LRP1B: variants seen among roughly 807,000 people sequenced by gnomAD.
LRP1B encodes the protein low-density lipoprotein receptor-related protein 1B.
LRP1B carries 217 observed loss-of-function variants against 556.6 expected under a neutral mutation model. The ratio of observed to expected loss-of-function variants is 0.39; its 90% confidence interval spans 0.35 to 0.44. The LOEUF (loss-of-function observed/expected upper bound fraction) is 0.44, where lower values mean the gene tolerates loss of function less well. LRP1B is among the 20% of genes least tolerant of loss of function. The pLI is 1.00. For synonymous variants in LRP1B, 2,047 were observed against 1,865.8 expected, an observed-to-expected ratio of 1.10 and a Z score of -2.50; for missense variants, 5,053 against 5,620.8, an observed-to-expected ratio of 0.90 and a Z score of 3.23.
intron 6 of LRP1B, among the ~76,000 whole-genome samples, chr2:141,220,510 G>A (rs1329300064): frequency 6.6e-6 from 1 of 151,644 alleles, no homozygotes; most frequent in Admixed American, 6.6e-5. Context: ...CGACATCCAG[G>A]AGAACTTCCC....
chr2:140,722,540 G>A (rs1374220996), intron 35 of LRP1B, among the ~76,000 whole-genome samples: 1 of 152,062 alleles, frequency 6.6e-6, no homozygotes, highest in Non-Finnish European at 1.5e-5. Flanking sequence ...AGTTGGACAG[G>A]CCAGAAATTC....
chr2:140,975,489 T>TGAGAGAGAAATAGGGAGTAACA (rs70991130), intron 18 of LRP1B, among the ~76,000 whole-genome samples: 1 of 151,650 alleles, frequency 6.6e-6, no homozygotes, highest in African/African-American at 2.4e-5. Context: ...TAAAGTTATA[T>TGAGAGAGAAATAGGGAGTAACA]AAGCAGGACA....
At chr2:141,018,485 C>T (rs1446172716) in intron 12 of LRP1B, among the ~76,000 whole-genome samples, 1 of 152,008 alleles carries the variant, frequency 6.6e-6, no homozygotes, top group Non-Finnish European at 1.5e-5. Context: ...AATCTGGATA[C>T]CTACAAACTT....
chr2:140,928,056 T>G (rs1026602011), intron 20 of LRP1B, among the ~76,000 whole-genome samples: 2 of 151,888 alleles, frequency 1.3e-5, no homozygotes, highest in African/African-American at 4.8e-5. Context: ...AGCAGGCATT[T>G]TTTAGGCACT....
chr2:141,013,476 G>A lies in LRP1B; in HGVS notation c.2380+80C>T, dbSNP rs901436461. ...TTTATCATAAAACTTTAGCAACACT[G>A]TCAAGATAAATCTTTTATAACTTCT... On this transcript the variant is annotated intron_variant, in intron 14 of 90. Coordinates refer to ENST00000389484, the MANE Select transcript of LRP1B (RefSeq NM_018557.3). The A allele has an allele frequency of 1.0e-5, 12 of 1,161,146 alleles. No homozygotes were observed. The Admixed American group carries it at 1.6e-4, about 16-fold the overall frequency. The allele number at this position is 1,161,146 out of a possible 1,614,324, so 71.9% of individuals were successfully genotyped here. A position where few individuals can be genotyped will look rare whatever the true frequency, so the allele number is the denominator to read the frequency against.
At chr2:141,300,431 C>A (rs1428818842) in intron 3 of LRP1B, among the ~76,000 whole-genome samples, 2 of 152,044 alleles carry the variant, frequency 1.3e-5, no homozygotes, top group African/African-American at 4.8e-5. Flanking sequence ...AAACAGTAGG[C>A]CTGGAAAGTT....
chr2:142,099,975 G>A (rs989958006), intron 1 of LRP1B, among the ~76,000 whole-genome samples: 2 of 151,906 alleles, frequency 1.3e-5, no homozygotes, highest in African/African-American at 4.8e-5. Context: ...AATTGTAATA[G>A]AGCCTGGTTC....
intron 2 of LRP1B, among the ~76,000 whole-genome samples, chr2:141,708,304 G>T (rs1004451046): frequency 6.6e-6 from 1 of 152,050 alleles, no homozygotes; most frequent in Non-Finnish European, 1.5e-5. Flanking sequence ...TCAAAGGGGT[G>T]ATAGAACAAC....
chr2:141,996,563 C>T (rs2105126622), intron 1 of LRP1B, among the ~76,000 whole-genome samples: 1 of 152,248 alleles, frequency 6.6e-6, no homozygotes, highest in Non-Finnish European at 1.5e-5. Flanking sequence ...TTACATTATT[C>T]CCATCTGCAC....
intron 7 of LRP1B, among the ~76,000 whole-genome samples, chr2:141,179,311 C>A (rs911643479): frequency 1.3e-5 from 2 of 151,856 alleles, no homozygotes; most frequent in Non-Finnish European, 2.9e-5. Flanking sequence ...GGAAAACTAG[C>A]TTGAAAACTT....
chr2:140,665,719 G>A lies in LRP1B; in HGVS notation c.6799+34531C>T, dbSNP rs575289058. Among the ~76,000 whole-genome samples the A allele has an allele frequency of 6.6e-5, 10 of 152,206 alleles. No individual in the cohort carries two copies. In the South Asian group the frequency reaches 2.1e-3, roughly 32 times the overall value. On this transcript the variant is annotated intron_variant, in intron 41 of 90. Coordinates refer to ENST00000389484, the MANE Select transcript of LRP1B (RefSeq NM_018557.3). Reference sequence around the variant, plus strand: ...GAATTTACATGATGGCATATTCCCTGAGAAGCAAGAAAACTGTGTATGTCA... The same window carrying A: ...GAATTTACATGATGGCATATTCCCTAAGAAGCAAGAAAACTGTGTATGTCA...
chr2:140,492,845 G>A (rs929082732), intron 56 of LRP1B, 152 bp from the exon 57 acceptor site: 1 of 563,274 alleles, frequency 1.8e-6, no homozygotes, highest in African/African-American at 1.9e-5. Context: ...GAGCAACGTA[G>A]TTGGCAGTAG....
At chr2:141,756,767 A>G (rs1694336154) in intron 2 of LRP1B, among the ~76,000 whole-genome samples, 1 of 152,032 alleles carries the variant, frequency 6.6e-6, no homozygotes, top group South Asian at 2.1e-4. Context: ...CTAGGTTCAT[A>G]CCCTAGGAGC....
At position 140,803,751 on chromosome 2, in the gene LRP1B, T is replaced by C. The variant is rs1338121740; in HGVS notation, c.5359+9906A>G. Among the ~76,000 whole-genome samples the C allele has an allele frequency of 3.3e-5, 5 of 152,244 alleles. No individual in the cohort carries two copies. The South Asian group carries it at 6.2e-4, about 19-fold the overall frequency. Reference sequence around the variant, plus strand: ...TTTCTGTAGATCATAGTTTACAAATTGTAGAAGTAAAGGACATTTCAGAAT... The same window carrying C: ...TTTCTGTAGATCATAGTTTACAAATCGTAGAAGTAAAGGACATTTCAGAAT... On this transcript the variant is annotated intron_variant, in intron 32 of 90. Coordinates refer to ENST00000389484, the MANE Select transcript of LRP1B (RefSeq NM_018557.3).
At chr2:141,207,320 A>G (rs1449996481) in intron 6 of LRP1B, among the ~76,000 whole-genome samples, 1 of 152,208 alleles carries the variant, frequency 6.6e-6, no homozygotes, top group Non-Finnish European at 1.5e-5. Flanking sequence ...ACTTTAAAAT[A>G]ATTTTGATTT....
chr2:141,662,226 C>T (rs1690247148), intron 2 of LRP1B, among the ~76,000 whole-genome samples: 1 of 152,194 alleles, frequency 6.6e-6, no homozygotes, highest in Non-Finnish European at 1.5e-5. Flanking sequence ...ACTATAAAAA[C>T]ACACTGAAGT....
intron 31 of LRP1B, among the ~76,000 whole-genome samples, chr2:140,823,715 AAT>A (rs1031760912): frequency 2.4e-3 from 367 of 151,794 alleles, no homozygotes; most frequent in African/African-American, 8.2e-3. Flanking sequence ...ATATAGTTTA[AAT>A]ATAGTTTATA....
intron 20 of LRP1B, among the ~76,000 whole-genome samples, chr2:140,942,712 AT>A (rs34633985): frequency 0.59 from 88,937 of 151,678 alleles, 27,967 homozygotes; most frequent in Non-Finnish European, 0.68. Flanking sequence ...GGAGAAATAA[AT>A]TTTTTTTCCA....
At chr2:140,827,999 A>C (rs964067580) in intron 31 of LRP1B, among the ~76,000 whole-genome samples, 1 of 152,132 alleles carries the variant, frequency 6.6e-6, no homozygotes, top group African/African-American at 2.4e-5. Context: ...GCTGCTGAGC[A>C]AGAATACTGT....
Sources: gnomAD v4.1 joint callset for allele counts (sites outside exome capture counted in the v4.1 genomes callset) on GRCh38, gnomAD v4.1.1 for gene constraint, MANE v1.5 for transcripts, NCBI Gene and HGNC (gene_info 2026-07-23, HGNC 2026-07-21) for gene names.